MFSD6: variants seen among roughly 807,000 people sequenced by gnomAD.
MFSD6 encodes major facilitator superfamily domain-containing protein 6.
In MFSD6, 26 loss-of-function variants were observed where a neutral mutation model predicts 56.3. The ratio of observed to expected loss-of-function variants is 0.46; its 90% confidence interval spans 0.34 to 0.64. The LOEUF is 0.64. MFSD6 is among the 30% of genes least tolerant of loss of function. The probability of loss-of-function intolerance (pLI) is 0.01; values close to 1 mark genes in which losing one functional copy is unlikely to be tolerated. For synonymous variants in MFSD6, 331 were observed against 366.9 expected, an observed-to-expected ratio of 0.90 and a Z score of 1.12; for missense variants, 750 against 986.2, an observed-to-expected ratio of 0.76 and a Z score of 3.21.
At position 190,437,483 on chromosome 2, in the gene MFSD6, G is replaced by C. The variant is rs1426546820; in HGVS notation, c.1454G>C (p.Cys485Ser). Reference protein sequence around the residue: ...LNGTTTLFGVCSVLSHVSELT... With the variant: ...LNGTTTLFGVSSVLSHVSELT... ...GGAACTACAACCCTCTTTGGGGTCT[G>C]TTCAGTCCTGAGTCATGTGTCTGAG... Residue 485 changes from cysteine to serine, a missense_variant, in exon 3 of 8, where the codon TGT (cysteine) becomes TCT (serine). By Grantham distance (112) the Cys-to-Ser change is moderately radical. Around this residue, in one of 5 missense-constraint regions of MFSD6, gnomAD observed 125 missense variants for 223.1 expected, o/e 0.56. Transcript: ENST00000392328. This position sits in a 1 kb window ranked among gnomAD's most constrained non-coding sequence, Gnocchi z 5.9. 2 of 1,614,180 alleles carry C rather than the reference G, an allele frequency of 1.2e-6. No homozygotes were observed. The highest frequency in any genetic ancestry group is 1.1e-5 in the South Asian group (1 of 91,088).
Position 190,488,384 on chromosome 2 carries a change from T to G in MFSD6, c.1631-273T>G, listed in dbSNP as rs1283503782. On this transcript the variant is annotated intron_variant, in intron 4 of 7. Coordinates refer to ENST00000392328, the MANE Select transcript of MFSD6 (RefSeq NM_017694.4). This position sits in a 1 kb window ranked among gnomAD's most constrained non-coding sequence, Gnocchi z 6.4. ...GGTTGTCAGGGGATGGGACAAGGGG[T>G]GAGTGTAAGTTATGGTTTAAGGGGT... 6.6e-6 allele frequency among the ~76,000 whole-genome samples: 1 copy of G among 151,820 alleles called. No individual in the cohort carries two copies. The highest frequency in any genetic ancestry group is 1.5e-5 in the Non-Finnish European group (1 of 67,970).
chr2:190,442,061 T>C (rs911153210), intron 3 of MFSD6, among the ~76,000 whole-genome samples: 3 of 152,194 alleles, frequency 2.0e-5, no homozygotes, highest in Non-Finnish European at 4.4e-5. Flanking sequence ...AGCAAAAAGA[T>C]GGTAGACCTT....
Position 190,500,468 on chromosome 2 carries a change from T to C in MFSD6, c.*250T>C. On this transcript the variant is annotated 3_prime_UTR_variant, in exon 8 of 8. Coordinates refer to ENST00000392328, the MANE Select transcript of MFSD6 (RefSeq NM_017694.4). This position sits in a 1 kb window ranked among gnomAD's most constrained non-coding sequence, Gnocchi z 5.3. ...GGAGTTCAATGAGGACTTTCAGTTC[T>C]TTGCTTGGTTAGGTTAAGGATGATA... 1 of 507,024 alleles carries C rather than the reference T, an allele frequency of 2.0e-6. No individual in the cohort carries two copies. Among genetic ancestry groups the C allele is most frequent in the Non-Finnish European group, 3.5e-6 (1 of 283,240 alleles). 31.4% of individuals were successfully genotyped at this position (507,024 alleles called of 1,614,324 possible).
Position 190,467,468 on chromosome 2 carries a change from C to A in MFSD6, c.1533-2290C>A, listed in dbSNP as rs1213741031. 1.3e-5 allele frequency among the ~76,000 whole-genome samples: 2 copies of A among 152,140 alleles called. No individual in the cohort carries two copies. Among genetic ancestry groups the A allele is most frequent in the Non-Finnish European group, 2.9e-5 (2 of 68,028 alleles). On this transcript the variant is annotated intron_variant, in intron 3 of 7. Coordinates refer to ENST00000392328, the MANE Select transcript of MFSD6 (RefSeq NM_017694.4). The surrounding 1 kb of genome is among the most constrained non-coding windows in gnomAD (Gnocchi z 5.5). ...TCTCTACTAAAAATACAAAAATTAG[C>A]CAGGCATGGTGGCACATTCCTGTAA...
At chr2:190,466,658 A>C (rs76106481) in intron 3 of MFSD6, among the ~76,000 whole-genome samples, 22,292 of 152,224 alleles carry the variant, frequency 0.15, 1,848 homozygotes, top group Middle Eastern at 0.22. Flanking sequence ...TACAGAATAC[A>C]TGTTTTTATC....
At chr2:190,455,373 C>T (rs1344016291) in intron 3 of MFSD6, among the ~76,000 whole-genome samples, 1 of 152,144 alleles carries the variant, frequency 6.6e-6, no homozygotes, top group African/African-American at 2.4e-5. Context: ...TAAGTGATCA[C>T]TACTTTTTGT....
At position 190,471,552 on chromosome 2, in the gene MFSD6, C is replaced by T. The variant is rs910650787; in HGVS notation, c.1630+1697C>T. 3.3e-5 allele frequency among the ~76,000 whole-genome samples: 5 copies of T among 152,184 alleles called. No individual in the cohort carries two copies. Among genetic ancestry groups the T allele is most frequent in the African/African-American group, 7.2e-5 (3 of 41,442 alleles). ...GCAGTGAGGCTGGGGGAGGGGCACC[C>T]GCCATTGCTGAGGCTTGAGTAGGTA... On this transcript the variant is annotated intron_variant, in intron 4 of 7. Transcript: ENST00000392328. The surrounding 1 kb of genome is among the most constrained non-coding windows in gnomAD (Gnocchi z 4.7).
rs1685748807 is a variant in MFSD6 at position 190,425,194 on chromosome 2, A to G, written c.-54+9781A>G. 6.6e-6 allele frequency among the ~76,000 whole-genome samples: 1 copy of G among 152,184 alleles called. No homozygotes were observed. Among genetic ancestry groups the G allele is most frequent in the African/African-American group, 2.4e-5 (1 of 41,452 alleles). ...ATTAATTATTGTATGCTTATCTTGT[A>G]TCCTGTGAACTTGCTGAACTCACTT... On this transcript the variant is annotated intron_variant, in intron 2 of 7. Coordinates refer to ENST00000392328, the MANE Select transcript of MFSD6 (RefSeq NM_017694.4). The surrounding 1 kb of genome is among the most constrained non-coding windows in gnomAD (Gnocchi z 4.3).
intron 3 of MFSD6, chr2:190,445,006 T>C (rs1686520351): frequency 1.6e-5 from 4 of 255,500 alleles, no homozygotes; most frequent in Admixed American, 1.3e-4. Flanking sequence ...ACAGCCCACC[T>C]GAGGATACAA....
In MFSD6 at chr2:190,458,374, T is replaced by C. The variant is rs1287419159; in HGVS notation, c.1533-11384T>C. ...GGCCACAGATAGGCACAAGGGAAGATAGGCGATGACACAGGGAGAGGATGA... is the reference window on the plus strand; with the variant it reads ...GGCCACAGATAGGCACAAGGGAAGACAGGCGATGACACAGGGAGAGGATGA... On this transcript the variant is annotated intron_variant, in intron 3 of 7. Coordinates refer to ENST00000392328, the MANE Select transcript of MFSD6 (RefSeq NM_017694.4). The surrounding 1 kb of genome is among the most constrained non-coding windows in gnomAD (Gnocchi z 5.3). Among the ~76,000 whole-genome samples, 1 of 152,082 alleles carries C rather than the reference T, an allele frequency of 6.6e-6. No homozygotes were observed. The highest frequency in any genetic ancestry group is 2.4e-5 in the African/African-American group (1 of 41,406).
At chr2:190,421,831 T>A (rs1685628435) in intron 2 of MFSD6, among the ~76,000 whole-genome samples, 1 of 152,196 alleles carries the variant, frequency 6.6e-6, no homozygotes, top group Non-Finnish European at 1.5e-5. Context: ...GATTATCACC[T>A]GTATGTCTTT....
chr2:190,460,758 G>C lies in MFSD6; in HGVS notation c.1533-9000G>C, dbSNP rs1687287096. ...GAGAGCTGAAGAATATCAAGACACA[G>C]AGACAGGTGGGGATGGTGGCCGAGT... On this transcript the variant is annotated intron_variant, in intron 3 of 7. Transcript: ENST00000392328. Among the ~76,000 whole-genome samples, 11 of 152,344 alleles carry C rather than the reference G, an allele frequency of 7.2e-5. 1 individual carries two copies. In the South Asian group the frequency reaches 2.3e-3, roughly 32 times the overall value.
Position 190,434,139 on chromosome 2 carries a change from C to T in MFSD6, c.-53-1838C>T, listed in dbSNP as rs1686095131. Among the ~76,000 whole-genome samples, 2 of 151,004 alleles carry T rather than the reference C, an allele frequency of 1.3e-5. No individual in the cohort carries two copies. The highest frequency in any genetic ancestry group is 1.3e-4 in the Admixed American group (2 of 15,156). ...TTGAGGCTGCAGTGCCATAATTACA[C>T]CACTGCACTCCAGCCTGGGTGACAG... On this transcript the variant is annotated intron_variant, in intron 2 of 7. Coordinates refer to ENST00000392328, the MANE Select transcript of MFSD6 (RefSeq NM_017694.4). The surrounding 1 kb of genome is among the most constrained non-coding windows in gnomAD (Gnocchi z 4.3).
intron 3 of MFSD6, chr2:190,444,865 A>G (rs747024021): frequency 1.3e-4 from 109 of 823,260 alleles, no homozygotes; most frequent in Non-Finnish European, 1.5e-4. Context: ...AATTCCAATT[A>G]TTTTATACAA....
rs1007593740 is a variant in MFSD6, at chr2:190,499,672, G to C, written c.2173-343G>C. ...CGGCCTGAGTTTCAGTTATTCCATA[G>C]TGCTTGCCCAGCGACTTGCCACATG... On this transcript the variant is annotated intron_variant, in intron 7 of 7. Coordinates refer to ENST00000392328, the MANE Select transcript of MFSD6 (RefSeq NM_017694.4). This position sits in a 1 kb window ranked among gnomAD's most constrained non-coding sequence, Gnocchi z 6.0. Among the ~76,000 whole-genome samples the C allele has an allele frequency of 6.6e-6, 1 of 152,342 alleles. No homozygotes were observed. Among genetic ancestry groups the C allele is most frequent in the South Asian group, 2.1e-4 (1 of 4,828 alleles).
At chr2:190,484,450 C>G (rs1293659937) in intron 4 of MFSD6, among the ~76,000 whole-genome samples, 2 of 152,136 alleles carry the variant, frequency 1.3e-5, no homozygotes, top group African/African-American at 4.8e-5. Flanking sequence ...CTTTTGTCCC[C>G]TCTACTTTAC....
Position 190,469,679 on chromosome 2 carries a change from T to A in MFSD6, c.1533-79T>A. ...GTAATATTTGCATGTTTTGTACACA[T>A]ATTAGATTGTATATTAGGGACTCAG... On this transcript the variant is annotated intron_variant, in intron 3 of 7. Coordinates refer to ENST00000392328, the MANE Select transcript of MFSD6 (RefSeq NM_017694.4). The surrounding 1 kb of genome is among the most constrained non-coding windows in gnomAD (Gnocchi z 5.3). The A allele has an allele frequency of 1.3e-6, 1 of 773,482 alleles. No individual in the cohort carries two copies. The allele number at this position is 773,482 out of a possible 1,614,324, so 47.9% of individuals were successfully genotyped here. A position where few individuals can be genotyped will look rare whatever the true frequency, so the allele number is the denominator to read the frequency against.
intron 2 of MFSD6, among the ~76,000 whole-genome samples, chr2:190,419,292 G>A (rs776365691): frequency 3.2e-4 from 48 of 152,344 alleles, no homozygotes; most frequent in Non-Finnish European, 5.3e-4. Flanking sequence ...GTTTCCCTGT[G>A]TCTATACTGG....
At chr2:190,441,675 A>G (rs1238498945) in intron 3 of MFSD6, among the ~76,000 whole-genome samples, 1 of 151,914 alleles carries the variant, frequency 6.6e-6, no homozygotes, top group Non-Finnish European at 1.5e-5. Flanking sequence ...CTCTCTCTGT[A>G]GCTTTCTCCA....
Sources: allele counts gnomAD v4.1 joint callset (sites outside exome capture counted in the v4.1 genomes callset), GRCh38; gene constraint gnomAD v4.1.1; regional missense constraint gnomAD v4.1.1; non-coding constraint Gnocchi (gnomAD v3.1); transcripts MANE v1.5; gene names NCBI Gene and HGNC (gene_info 2026-07-23, HGNC 2026-07-21).